Variants in PRKCE observed in about 807,000 individuals in gnomAD.
PRKCE encodes protein kinase C epsilon, also known as protein kinase C epsilon type.
In PRKCE, 16 loss-of-function variants were observed where a neutral mutation model predicts 85.4. The ratio of observed to expected loss-of-function variants is 0.19; its 90% CI spans 0.13 to 0.28. The LOEUF is 0.28. PRKCE is among the 10% of genes least tolerant of loss of function. PRKCE has a pLI of 1.00. For missense variants in PRKCE, 573 were observed against 975.2 expected (o/e 0.59, Z 5.49); for synonymous variants, 388 against 371.5 (o/e 1.04, Z -0.51).
chr2:46,100,153 T>C (rs1671067767), intron 11 of PRKCE, among the ~76,000 whole-genome samples: 1 of 152,126 alleles, frequency 6.6e-6, no homozygotes, highest in Non-Finnish European at 1.5e-5. Flanking sequence ...TGAAAATCTG[T>C]CTCAAAATTA....
intron 1 of PRKCE, among the ~76,000 whole-genome samples, chr2:45,837,807 C>T (rs1227145529): frequency 1.3e-5 from 2 of 152,164 alleles, no homozygotes. Context: ...CCAGGAGTTT[C>T]AGGCTGCAGC....
At chr2:45,760,392 G>A (rs1684364968) in intron 1 of PRKCE, among the ~76,000 whole-genome samples, 1 of 152,160 alleles carries the variant, frequency 6.6e-6, no homozygotes. Context: ...TTATTGATCA[G>A]AAAGGGGAAA....
chr2:46,176,953 C>A (rs1679486238), intron 14 of PRKCE, among the ~76,000 whole-genome samples: 1 of 152,210 alleles, frequency 6.6e-6, no homozygotes, highest in African/African-American at 2.4e-5. Flanking sequence ...TTTATCTGAG[C>A]TTTACCTATA....
At chr2:45,852,457 A>G (rs995421215) in intron 2 of PRKCE, among the ~76,000 whole-genome samples, 17 of 152,218 alleles carry the variant, frequency 1.1e-4, no homozygotes, top group Admixed American at 4.6e-4. Flanking sequence ...CATTCAACAG[A>G]TGTAAACTGA....
chr2:45,899,600 C>T (rs1221057408), intron 2 of PRKCE, among the ~76,000 whole-genome samples: 1 of 152,102 alleles, frequency 6.6e-6, no homozygotes, highest in African/African-American at 2.4e-5. Flanking sequence ...CCAGGCTGGT[C>T]TTGAACTCCT....
At chr2:46,182,165 G>A (rs1266551018) in intron 14 of PRKCE, among the ~76,000 whole-genome samples, 1 of 152,000 alleles carries the variant, frequency 6.6e-6, no homozygotes. Context: ...CCTAATTGTT[G>A]CCACAGCCTA....
intron 1 of PRKCE, among the ~76,000 whole-genome samples, chr2:45,700,872 A>G (rs1678579913): frequency 1.3e-5 from 2 of 152,218 alleles, no homozygotes; most frequent in Non-Finnish European, 2.9e-5. Flanking sequence ...CCGTGAGGAC[A>G]GACACAGAGA....
Position 45,921,459 on chromosome 2 carries a change from T to G in PRKCE, c.413-54970T>G, listed in dbSNP as rs116407874. Among the ~76,000 whole-genome samples, 1,193 of 152,388 alleles carry G rather than the reference T, an allele frequency of 7.8e-3. 12 individuals carry two copies. Among genetic ancestry groups the G allele is most frequent in the African/African-American group, 0.028 (1,153 of 41,592 alleles). On this transcript the variant is annotated intron_variant, in intron 2 of 14. Coordinates refer to ENST00000306156, the MANE Select transcript of PRKCE (RefSeq NM_005400.3). ...CGTGCCAGCTACTCTTTCTTAAGTTTTGCATGTATTAGCTTATTTGTTCCT... is the reference window on the plus strand; with the variant it reads ...CGTGCCAGCTACTCTTTCTTAAGTTGTGCATGTATTAGCTTATTTGTTCCT...
intron 14 of PRKCE, among the ~76,000 whole-genome samples, chr2:46,176,344 G>C (rs1330724436): frequency 6.6e-6 from 1 of 152,090 alleles, no homozygotes; most frequent in African/African-American, 2.4e-5. Flanking sequence ...CTCCAGTGTA[G>C]GCCCAGGTGA....
intron 13 of PRKCE, among the ~76,000 whole-genome samples, chr2:46,156,957 C>CT (rs1330927517): frequency 1.3e-5 from 2 of 152,154 alleles, no homozygotes; most frequent in Non-Finnish European, 2.9e-5. Flanking sequence ...AATATAACTT[C>CT]TTATTTCTTT....
chr2:45,815,450 C>T (rs1363503133), intron 1 of PRKCE, among the ~76,000 whole-genome samples: 1 of 152,158 alleles, frequency 6.6e-6, no homozygotes, highest in Admixed American at 6.5e-5. Context: ...GTCCTACATT[C>T]CCCTATTCTT....
At chr2:45,762,965 T>C (rs2104842816) in intron 1 of PRKCE, among the ~76,000 whole-genome samples, 1 of 151,686 alleles carries the variant, frequency 6.6e-6, no homozygotes, top group African/African-American at 2.4e-5. Flanking sequence ...TCTTTTTTTT[T>C]TTTTGAGACG....
intron 1 of PRKCE, among the ~76,000 whole-genome samples, chr2:45,804,409 G>A (rs908083988): frequency 6.6e-6 from 1 of 152,186 alleles, no homozygotes. Context: ...ATGCCGAGTC[G>A]AGGTGGCCGC....
rs1675177578 is a variant in PRKCE at position 45,652,645 on chromosome 2, G to C, written c.348+197G>C. Among the ~76,000 whole-genome samples the C allele has an allele frequency of 6.6e-6, 1 of 152,226 alleles. No individual in the cohort carries two copies. Among genetic ancestry groups the C allele is most frequent in the Non-Finnish European group, 1.5e-5 (1 of 68,046 alleles). ...GGCATTGGCGAGGAAGATGAGACTT[G>C]GAAAGAGGATGTGGCCCTCTGCTCC... On this transcript the variant is annotated intron_variant, in intron 1 of 14. Coordinates refer to ENST00000306156, the MANE Select transcript of PRKCE (RefSeq NM_005400.3). The surrounding 1 kb of genome is among the most constrained non-coding windows in gnomAD (Gnocchi z 7.7).
At chr2:45,998,332 G>C (rs1214228129) in intron 6 of PRKCE, among the ~76,000 whole-genome samples, 4 of 152,164 alleles carry the variant, frequency 2.6e-5, no homozygotes, top group African/African-American at 9.7e-5. Context: ...AGTACCATCA[G>C]TTTTTGCCTC....
chr2:46,113,716 C>G (rs767900616), intron 11 of PRKCE, among the ~76,000 whole-genome samples: 5 of 152,198 alleles, frequency 3.3e-5, no homozygotes, highest in Non-Finnish European at 7.3e-5. Context: ...CATGTAAGGG[C>G]TGCCACTTAG....
At chr2:45,893,358 T>C (rs4952789) in intron 2 of PRKCE, among the ~76,000 whole-genome samples, 21 of 58,702 alleles carry the variant, frequency 3.6e-4, no homozygotes, top group South Asian at 3.3e-3. Flanking sequence ...CTTTTCTTTT[T>C]TTTTTTTTTT....
chr2:45,849,456 A>C (rs1468274160), intron 2 of PRKCE, among the ~76,000 whole-genome samples: 1 of 152,194 alleles, frequency 6.6e-6, no homozygotes, highest in Non-Finnish European at 1.5e-5. Context: ...AAAGTGCCCC[A>C]AAATCAAGCC....
chr2:45,890,083 A>G (rs931869641), intron 2 of PRKCE, among the ~76,000 whole-genome samples: 28 of 152,172 alleles, frequency 1.8e-4, no homozygotes, highest in African/African-American at 5.8e-4. Flanking sequence ...ACTTATCACC[A>G]TTACCGGAGA....
Sources: allele counts gnomAD v4.1 joint callset (sites outside exome capture counted in the v4.1 genomes callset), GRCh38; gene constraint gnomAD v4.1.1; non-coding constraint Gnocchi (gnomAD v3.1); transcripts MANE v1.5; gene names NCBI Gene and HGNC (gene_info 2026-07-23, HGNC 2026-07-21).